Variants in MAPK3 observed in about 807,000 individuals in gnomAD.
MAPK3 encodes the protein MAPK 1.
A neutral mutation model predicts 41.8 loss-of-function variants in MAPK3; 30 were observed. That is an observed-to-expected ratio of 0.72 (90% confidence interval 0.54 to 0.97). The LOEUF is 0.97. MAPK3 is among the 50% of genes least tolerant of loss of function. MAPK3 has a pLI of 0.00. For synonymous variants in MAPK3, 222 were observed against 213.4 expected, an observed-to-expected ratio of 1.04 and a Z score of -0.35; for missense variants, 413 against 509.9, an observed-to-expected ratio of 0.81 and a Z score of 1.83.
At chr16:30,117,404 T>A in intron 5 of MAPK3, 119 bp from the exon 6 acceptor site, 3 of 1,021,108 alleles carry the variant, frequency 2.9e-6, no homozygotes, top group Non-Finnish European at 4.4e-6. Flanking sequence ...CTCAGTCACC[T>A]CCTAGTCATT....
intron 2 of MAPK3, among the ~76,000 whole-genome samples, chr16:30,119,522 G>A (rs1296572767): frequency 6.6e-6 from 1 of 152,202 alleles, no homozygotes; most frequent in African/African-American, 2.4e-5. Flanking sequence ...TGCTTGGCAA[G>A]TTGTGAGTGC....
In MAPK3 at chr16:30,116,643, C is replaced by T. The variant is rs1034563677; in HGVS notation, c.*25G>A. On this transcript the variant is annotated 3_prime_UTR_variant, in exon 8 of 9. Transcript: ENST00000263025. ...GGCCATGGAGACACTCACCAGGCCC[C>T]AGGGTGCAGAGATGTCTGTCTGGGC... 11 of 1,611,674 alleles carry T rather than the reference C, an allele frequency of 6.8e-6. No homozygotes were observed. The highest frequency in any genetic ancestry group is 9.3e-6 in the Non-Finnish European group (11 of 1,179,728).
At position 30,115,397 on chromosome 16, in the gene MAPK3, C is replaced by T. The variant is rs548861940; in HGVS notation, c.*33-689G>A. ...CACCTGGCTGAAGACAGGAAGAGAC[C>T]GGAGGAGGCAAGGAGGCAGCGTGGG... On this transcript the variant is annotated intron_variant, in intron 8 of 8. Transcript: ENST00000263025. Among the ~76,000 whole-genome samples, 14 of 152,258 alleles carry T rather than the reference C, an allele frequency of 9.2e-5. No individual in the cohort carries two copies. The East Asian group carries it at 1.9e-3, about 21-fold the overall frequency.
chr16:30,120,325 A>G (rs1486132829), intron 2 of MAPK3, among the ~76,000 whole-genome samples: 1 of 142,160 alleles, frequency 7.0e-6, no homozygotes, highest in Non-Finnish European at 1.5e-5. Flanking sequence ...GAGCACGGAG[A>G]TTTCCTGTCC....
intron 2 of MAPK3, 30 bp downstream of exon 2, chr16:30,121,794 G>T: frequency 6.2e-7 from 1 of 1,605,120 alleles, no homozygotes; most frequent in South Asian, 1.1e-5. Context: ...GGCCGTGCCT[G>T]ACCAGCCGAC....
Position 30,123,109 on chromosome 16 carries a change from T to C in MAPK3, c.101A>G (p.Gln34Arg). 1 of 1,567,040 alleles carries C rather than the reference T, an allele frequency of 6.4e-7. No homozygotes were observed. The highest frequency in any genetic ancestry group is 2.6e-5 in the East Asian group (1 of 38,282). The change falls in exon 1 of 9, where the codon CAG (glutamine) becomes CGG (arginine). Residue 34 changes from glutamine (Q) to arginine (R), a missense_variant. Physicochemically the swap from Gln to Arg is conservative, Grantham distance 43 (BLOSUM62 1). This residue lies in a region of MAPK3 where 145 missense variants were observed against 133.0 expected (regional missense o/e 1.09). Coordinates refer to ENST00000263025, the MANE Select transcript of MAPK3 (RefSeq NM_002746.3). ...GTAGCGCGGGCCCACGTCGAACGGC[T>C]GCCCCTTCACCATCTCCACCTCCCC... Reference protein sequence around the residue: ...VPGEVEMVKGQPFDVGPRYTQ... With the variant: ...VPGEVEMVKGRPFDVGPRYTQ...
chr16:30,122,909 T>G, intron 1 of MAPK3, 131 bp downstream of exon 1: 14 of 767,048 alleles, frequency 1.8e-5, no homozygotes, highest in African/African-American at 3.8e-5. Flanking sequence ...ACGCTCCCGA[T>G]CATCCCGAGT....
At chr16:30,121,114 T>A (rs1238476360) in intron 2 of MAPK3, among the ~76,000 whole-genome samples, 1 of 151,892 alleles carries the variant, frequency 6.6e-6, no homozygotes, top group Admixed American at 6.6e-5. Context: ...GTTTTTTGTT[T>A]TTGTTTAGTT....
chr16:30,122,983 C>T, intron 1 of MAPK3, 57 bp downstream of exon 1: 1 of 1,362,176 alleles, frequency 7.3e-7, no homozygotes, highest in Non-Finnish European at 9.7e-7. Flanking sequence ...CCTCCTCCTC[C>T]TCTCCCGCGA....
At chr16:30,115,197 T>C (rs1567353479) in intron 8 of MAPK3, among the ~76,000 whole-genome samples, 1 of 151,904 alleles carries the variant, frequency 6.6e-6, no homozygotes, top group Non-Finnish European at 1.5e-5. Context: ...CCAGCCTGGG[T>C]GACAGAGCGA....
intron 2 of MAPK3, among the ~76,000 whole-genome samples, chr16:30,120,246 C>T (rs1317314669): frequency 6.6e-6 from 1 of 152,200 alleles, no homozygotes; most frequent in Non-Finnish European, 1.5e-5. Flanking sequence ...ACCAGCCCTG[C>T]TGTTTTAGGG....
intron 6 of MAPK3, 22 bp from the exon 7 acceptor site, chr16:30,117,025 G>T: frequency 6.3e-7 from 1 of 1,593,300 alleles, no homozygotes; most frequent in African/African-American, 1.3e-5. Context: ...CAGGAGTCAG[G>T]GGTCACAGGG....
Position 30,123,189 on chromosome 16 carries a change from C to A in MAPK3, c.21G>T (p.Gln7His). 7.6e-7 allele frequency: 1 copy of A among 1,312,048 alleles called. No homozygotes were observed. The highest frequency in any genetic ancestry group is 1.0e-6 in the Non-Finnish European group (1 of 994,980). The allele number at this position is 1,312,048 out of a possible 1,614,324, so 81.3% of individuals were successfully genotyped here. Residue 7 changes from glutamine (Q) to histidine (H), a missense_variant, in exon 1 of 9, where the codon CAG (glutamine) becomes CAT (histidine). Coordinates refer to ENST00000263025, the MANE Select transcript of MAPK3 (RefSeq NM_002746.3). ...TACGGGGCTCCCCGCCCCCGCCCCC[C>A]TGAGCCGCCGCCGCCGCCATCTCCA... MAAAAA[Q>H]GGGGGEPRRT...
At position 30,116,996 on chromosome 16, in the gene MAPK3, G is replaced by A; in HGVS notation, c.915C>T (p.Asp305=). ...LFPKSDSKAL[D]LLDRMLTFNP... Reference sequence around the variant, plus strand: ...TAAAGGTTAACATCCGGTCCAGCAGGTCAAGGGCTATGGAAGGGCAGGAGT... The same window carrying A: ...TAAAGGTTAACATCCGGTCCAGCAGATCAAGGGCTATGGAAGGGCAGGAGT... Residue 305 remains aspartate (D), a synonymous_variant, in exon 7 of 9, where the codon GAC becomes GAT. Transcript: ENST00000263025. The A allele has an allele frequency of 6.2e-7, 1 of 1,603,932 alleles. No individual in the cohort carries two copies. Among genetic ancestry groups the A allele is most frequent in the South Asian group, 1.1e-5 (1 of 89,448 alleles).
intron 8 of MAPK3, 86 bp downstream of exon 8, chr16:30,116,550 G>T: frequency 7.2e-7 from 1 of 1,386,242 alleles, no homozygotes; most frequent in South Asian, 1.3e-5. Flanking sequence ...CTGTATGGAG[G>T]CATGTACAGA....
At position 30,117,719 on chromosome 16, in the gene MAPK3, C is replaced by T; in HGVS notation, c.726G>A (p.Arg242=). 1 of 1,614,110 alleles carries T rather than the reference C, an allele frequency of 6.2e-7. No homozygotes were observed. Among genetic ancestry groups the T allele is most frequent in the Admixed American group, 1.7e-5 (1 of 60,014 alleles). The change falls in exon 5 of 9, where the codon CGG becomes CGA. Residue 242 remains arginine (R), a synonymous_variant. Transcript: ENST00000263025. ...GCILAEMLSN[R]PIFPGKHYLD... ...GGTAGTGCTTGCCAGGGAAGATGGG[C>T]CGGTTAGAGAGCATCTCAGCCAGAA...
At chr16:30,122,106 A>G in intron 1 of MAPK3, 100 bp from the exon 2 acceptor site, 2 of 1,121,426 alleles carry the variant, frequency 1.8e-6, no homozygotes, top group Non-Finnish European at 1.3e-6. Context: ...AGAGAGCAGG[A>G]GCTGGCTCTG....
chr16:30,119,504 C>T (rs991225534), intron 2 of MAPK3, among the ~76,000 whole-genome samples: 2 of 152,174 alleles, frequency 1.3e-5, no homozygotes, highest in Non-Finnish European at 2.9e-5. Flanking sequence ...GTAAAGCTGT[C>T]AGCCCAGTGC....
chr16:30,118,773 G>A lies in MAPK3; in HGVS notation c.354-235C>T, dbSNP rs61764212. 3.8e-3 allele frequency among the ~76,000 whole-genome samples: 583 copies of A among 152,234 alleles called. 4 individuals carry two copies. The highest frequency in any genetic ancestry group is 0.014 in the African/African-American group (564 of 41,528). On this transcript the variant is annotated intron_variant, in intron 2 of 8. Coordinates refer to ENST00000263025, the MANE Select transcript of MAPK3 (RefSeq NM_002746.3). ...CCTGAGCAAGGGGCTTCATTTCTGA[G>A]GCCTCAGTTTCCCTACCGGGGAAAC...
Sources: gnomAD v4.1 joint callset for allele counts (sites outside exome capture counted in the v4.1 genomes callset) on GRCh38, gnomAD v4.1.1 for gene constraint, gnomAD v4.1.1 regional missense constraint, MANE v1.5 for transcripts, NCBI Gene and HGNC (gene_info 2026-07-23, HGNC 2026-07-21) for gene names.